ECM2: variants seen among roughly 807,000 people sequenced by gnomAD.
The protein encoded by ECM2 is extracellular matrix protein 2, female organ and adipocyte specific.
In ECM2, 57 loss-of-function variants were observed where a neutral mutation model predicts 67.5. That is an observed-to-expected ratio of 0.84 (90% CI 0.68 to 1.05). The LOEUF (loss-of-function observed/expected upper bound fraction) is 1.05, where lower values mean the gene tolerates loss of function less well. Among genes scored for constraint, ECM2 ranks in the 50% least tolerant of loss-of-function variants. The probability of loss-of-function intolerance (pLI) is 0.00; values close to 1 mark genes in which losing one functional copy is unlikely to be tolerated. For synonymous variants in ECM2, 258 were observed against 294.5 expected, an observed-to-expected ratio of 0.88 and a Z score of 1.27; for missense variants, 741 against 822.8, an observed-to-expected ratio of 0.90 and a Z score of 1.22.
chr9:92,515,074 C>G lies in ECM2; in HGVS notation c.611G>C (p.Arg204Pro). ...QLPPPQVGMD[R>P]IVRKEALQSE... ...TTGAAGTGCTTCTTTTCTTACTATT[C>G]GGTCCATTCCCACCTGAGGAGGTGG... Residue 204 changes from arginine to proline, a missense_variant, in exon 4 of 10, where the codon CGA becomes CCA. Arg to Pro is a moderately radical substitution (Grantham distance 103). Transcript: ENST00000344604. The G allele has an allele frequency of 6.2e-7, 1 of 1,614,048 alleles. No homozygotes were observed.
chr9:92,505,770 GA>G (rs1588196068), intron 6 of ECM2, 80 bp from the exon 7 acceptor site: 37 of 1,163,426 alleles, frequency 3.2e-5, no homozygotes, highest in Non-Finnish European at 4.1e-5. Context: ...AATGTCATGT[GA>G]AATGGCCGGT....
Position 92,502,669 on chromosome 9 carries a change from AGAC to A in ECM2, c.1465-20_1465-18del, listed in dbSNP as rs751376831. On this transcript the variant is annotated intron_variant, in intron 7 of 9. Coordinates refer to ENST00000344604, the MANE Select transcript of ECM2 (RefSeq NM_001393.4). ...GTATAATTCCTATAATTAAGAGAGA[AGAC>A]TATTATTTTTCTTTTGTGTTAGTTG... 1.3e-6 allele frequency: 2 copies of A among 1,525,824 alleles called. No individual in the cohort carries two copies. The highest frequency in any genetic ancestry group is 1.8e-6 in the Non-Finnish European group (2 of 1,119,618). The allele number at this position is 1,525,824 out of a possible 1,614,324, so 94.5% of individuals were successfully genotyped here. A position where few individuals can be genotyped will look rare whatever the true frequency, so the allele number is the denominator to read the frequency against.
At chr9:92,508,970 G>A (rs1190620032) in intron 6 of ECM2, among the ~76,000 whole-genome samples, 1 of 151,934 alleles carries the variant, frequency 6.6e-6, no homozygotes, top group Non-Finnish European at 1.5e-5. Flanking sequence ...GGCAGTCCTT[G>A]TCTCAAAAAA....
chr9:92,538,277 T>C (rs2895219), upstream of ECM2, among the ~76,000 whole-genome samples: 63,748 of 152,058 alleles, frequency 0.42, 15,625 homozygotes, highest in African/African-American at 0.68. Flanking sequence ...TAGTTGTCCA[T>C]GCTATACCAG....
At chr9:92,507,522 C>T (rs747862957) in intron 6 of ECM2, among the ~76,000 whole-genome samples, 15 of 152,112 alleles carry the variant, frequency 9.9e-5, no homozygotes, top group African/African-American at 3.4e-4. Context: ...AGCTAGAGAA[C>T]GTTTCTTGTA....
chr9:92,532,885 G>A (rs752098815), intron 1 of ECM2, among the ~76,000 whole-genome samples: 4 of 152,072 alleles, frequency 2.6e-5, no homozygotes, highest in Non-Finnish European at 5.9e-5. Context: ...CTTTGATGGA[G>A]TGCCAGATAT....
At chr9:92,547,601 TCC>T in the ECM2 span, among the ~76,000 whole-genome samples, 3 of 152,220 alleles carry the variant, frequency 2.0e-5, no homozygotes, top group African/African-American at 7.2e-5. Context: ...GTATGAAATG[TCC>T]AAAATAGACG....
intron 6 of ECM2, among the ~76,000 whole-genome samples, chr9:92,507,572 G>A (rs1847081596): frequency 6.6e-6 from 1 of 152,172 alleles, no homozygotes; most frequent in Admixed American, 6.5e-5. Context: ...TTCATGGACA[G>A]GAAACAGGAA....
chr9:92,518,558 G>A (rs1847871408), intron 2 of ECM2, among the ~76,000 whole-genome samples: 3 of 152,126 alleles, frequency 2.0e-5, no homozygotes, highest in Non-Finnish European at 2.9e-5. Flanking sequence ...GGTTTATTAT[G>A]CTATTGAAAT....
At chr9:92,512,154 G>A (rs762010252) in intron 4 of ECM2, 28 bp from the exon 5 acceptor site, 9 of 1,505,946 alleles carry the variant, frequency 6.0e-6, no homozygotes, top group Non-Finnish European at 5.5e-6. Context: ...TATGTTTTAG[G>A]CATGTGTGCA....
chr9:92,503,422 CCTA>C (rs1441538683), intron 7 of ECM2, among the ~76,000 whole-genome samples: 1 of 152,162 alleles, frequency 6.6e-6, no homozygotes, highest in Non-Finnish European at 1.5e-5. Context: ...CTGCCTGTTT[CCTA>C]CTATTTCATG....
chr9:92,511,868 A>G, intron 5 of ECM2, 143 bp downstream of exon 5: 3 of 563,912 alleles, frequency 5.3e-6, no homozygotes. Context: ...TTGAATTCAA[A>G]TTAGGGACAT....
chr9:92,549,520 G>A, the ECM2 span, among the ~76,000 whole-genome samples: 4 of 151,946 alleles, frequency 2.6e-5, no homozygotes, highest in South Asian at 2.1e-4. Context: ...TGTGGCACAC[G>A]CCTGTAGTCC....
intron 1 of ECM2, among the ~76,000 whole-genome samples, chr9:92,532,000 CTTTTTT>C (rs1226576313): frequency 1.1e-5 from 1 of 92,474 alleles, no homozygotes; most frequent in South Asian, 2.9e-4. Context: ...TTTTCTTTTT[CTTTTTT>C]TATTTAATGT....
At chr9:92,504,150 T>A (rs1255454137) in intron 7 of ECM2, among the ~76,000 whole-genome samples, 1 of 152,216 alleles carries the variant, frequency 6.6e-6, no homozygotes, top group Non-Finnish European at 1.5e-5. Context: ...TTTAATTTTT[T>A]AATTATTCAT....
At position 92,528,261 on chromosome 9, in the gene ECM2, C is replaced by T. The variant is rs139699015; in HGVS notation, c.-27-5368G>A. Among the ~76,000 whole-genome samples, 11 of 152,210 alleles carry T rather than the reference C, an allele frequency of 7.2e-5. No homozygotes were observed. In the South Asian group the frequency reaches 1.9e-3, roughly 26 times the overall value. ...TGAAAGGGGATGCAAATCAAATGCC[C>T]GGAGAGACCTGTGATTGACCTGCTT... On this transcript the variant is annotated intron_variant, in intron 1 of 9. Coordinates refer to ENST00000344604, the MANE Select transcript of ECM2 (RefSeq NM_001393.4).
intron 1 of ECM2, among the ~76,000 whole-genome samples, chr9:92,534,130 A>G (rs1212984775): frequency 6.6e-6 from 1 of 151,798 alleles, no homozygotes; most frequent in Non-Finnish European, 1.5e-5. Context: ...CTTTAAATTC[A>G]TTTCTGTCTT....
In ECM2 at chr9:92,526,270, A is replaced by C. The variant is rs534537086; in HGVS notation, c.-27-3377T>G. 4.6e-5 allele frequency among the ~76,000 whole-genome samples: 7 copies of C among 152,352 alleles called. No homozygotes were observed. The East Asian group carries it at 1.3e-3, about 29-fold the overall frequency. ...AAGTTAAAAAATAAAAATAGAAAAA[A>C]GCTTACAAAATTACGCTATAAAGAA... On this transcript the variant is annotated intron_variant, in intron 1 of 9. Transcript: ENST00000344604.
intron 6 of ECM2, among the ~76,000 whole-genome samples, chr9:92,506,688 G>A (rs1400051480): frequency 1.3e-5 from 2 of 152,184 alleles, no homozygotes; most frequent in East Asian, 3.9e-4. Flanking sequence ...GTAGATGTGA[G>A]TGGTATGAAA....
Sources: allele counts gnomAD v4.1 joint callset (sites outside exome capture counted in the v4.1 genomes callset), GRCh38; gene constraint gnomAD v4.1.1; transcripts MANE v1.5; gene names NCBI Gene and HGNC (gene_info 2026-07-23, HGNC 2026-07-21).